Variants in ERC2 observed in about 807,000 individuals in gnomAD.
ERC2 encodes ELKS/RAB6-interacting/CAST family member 2.
Under a neutral mutation model 114.8 loss-of-function variants are expected in ERC2, and 42 were observed. That is an observed-to-expected ratio of 0.37 (90% CI 0.29 to 0.47). ERC2 has a LOEUF of 0.47. Among genes scored for constraint, ERC2 ranks in the 20% least tolerant of loss-of-function variants. The pLI is 0.99. For missense variants in ERC2, 939 were observed against 1,150.7 expected (o/e 0.82, Z 2.66); for synonymous variants, 454 against 425.5 (o/e 1.07, Z -0.82).
intron 14 of ERC2, among the ~76,000 whole-genome samples, chr3:55,862,754 C>T (rs2062086792): frequency 6.6e-6 from 1 of 152,168 alleles, no homozygotes; most frequent in Admixed American, 6.6e-5. Context: ...GCTGTTCAAA[C>T]CTGTCACACT....
At chr3:56,031,210 T>C (rs2074361722) in intron 7 of ERC2, among the ~76,000 whole-genome samples, 2 of 152,228 alleles carry the variant, frequency 1.3e-5, no homozygotes, top group African/African-American at 4.8e-5. Flanking sequence ...TACAAGCTTT[T>C]GGTCTGCACC....
chr3:55,999,580 T>G (rs2149543208), intron 10 of ERC2, among the ~76,000 whole-genome samples: 1 of 151,994 alleles, frequency 6.6e-6, no homozygotes, highest in South Asian at 2.1e-4. Context: ...ATAAAAGAAA[T>G]TTCCTAGCTA....
chr3:56,401,696 C>G (rs991253743), intron 2 of ERC2, among the ~76,000 whole-genome samples: 2 of 152,132 alleles, frequency 1.3e-5, no homozygotes, highest in Non-Finnish European at 2.9e-5. Flanking sequence ...TGATGCAAAA[C>G]TGGAGCTTAG....
At chr3:55,918,105 C>T (rs1358550707) in intron 13 of ERC2, among the ~76,000 whole-genome samples, 1 of 151,954 alleles carries the variant, frequency 6.6e-6, no homozygotes, top group Non-Finnish European at 1.5e-5. Flanking sequence ...AGAGATAAGA[C>T]AATAGATCAC....
intron 14 of ERC2, among the ~76,000 whole-genome samples, chr3:55,833,297 C>T (rs1161734860): frequency 6.6e-6 from 1 of 150,464 alleles, no homozygotes; most frequent in Non-Finnish European, 1.5e-5. Flanking sequence ...AACTCCAAGA[C>T]ACATAATTGT....
intron 6 of ERC2, among the ~76,000 whole-genome samples, chr3:56,122,248 G>T (rs191744328): frequency 6.6e-6 from 1 of 152,212 alleles, no homozygotes; most frequent in Admixed American, 6.5e-5. Context: ...GCAAATTATT[G>T]TATTTCGTAT....
rs571648633 is a variant in ERC2, at chr3:56,275,636, T to C, written c.1074+20383A>G. On this transcript the variant is annotated intron_variant, in intron 3 of 17. Transcript: ENST00000288221. ...CATGTGTCCACAGGTCTCTTGAAGA[T>C]CTTGTTACAATGCAGATTCTAATTC... Among the ~76,000 whole-genome samples, 16 of 152,342 alleles carry C rather than the reference T, an allele frequency of 1.1e-4. 1 individual carries two copies. In the South Asian group the frequency reaches 3.1e-3, roughly 30 times the overall value.
At chr3:56,002,996 T>TCA (rs2072191913) in intron 10 of ERC2, 2 of 480,890 alleles carry the variant, frequency 4.2e-6, no homozygotes, top group South Asian at 1.9e-5. Context: ...GGGAAGAAAC[T>TCA]CAAATATTTT....
At position 55,950,500 on chromosome 3, in the gene ERC2, C is replaced by T. The variant is rs905170482; in HGVS notation, c.2328G>A (p.Lys776=). 1 of 1,613,898 alleles carries T rather than the reference C, an allele frequency of 6.2e-7. No homozygotes were observed. Among genetic ancestry groups the T allele is most frequent in the Non-Finnish European group, 8.5e-7 (1 of 1,179,894 alleles). The change falls in exon 13 of 18, where the codon AAG becomes AAA. Residue 776 remains lysine, a synonymous_variant. Coordinates refer to ENST00000288221, the MANE Select transcript of ERC2 (RefSeq NM_015576.3). Reference sequence around the variant, plus strand: ...CTTCTAGTAACTGAGCATTTTTCTTCTTTTCCAACTGTTGATTGTGCTTGA... The same window carrying T: ...CTTCTAGTAACTGAGCATTTTTCTTTTTTTCCAACTGTTGATTGTGCTTGA... ...ANLKHNQQLE[K]KKNAQLLEEV...
At chr3:56,293,988 CTGGCATCACAGCCTTGCTGCCCCT>C (rs556069574) in intron 3 of ERC2, among the ~76,000 whole-genome samples, 77 of 152,384 alleles carry the variant, frequency 5.1e-4, no homozygotes, top group African/African-American at 1.8e-3. Context: ...GGAGATTTCT[CTGGCATCACAGCCTTGCTGCCCCT>C]TGGCATCAAA....
intron 7 of ERC2, among the ~76,000 whole-genome samples, chr3:56,067,938 T>C (rs1265221035): frequency 6.6e-6 from 1 of 152,224 alleles, no homozygotes; most frequent in Admixed American, 6.5e-5. Context: ...TGGATTCAGT[T>C]TGCCAGTATA....
chr3:56,237,015 C>T (rs748112620), intron 3 of ERC2, among the ~76,000 whole-genome samples: 1 of 152,278 alleles, frequency 6.6e-6, no homozygotes, highest in South Asian at 2.1e-4. Flanking sequence ...GCAGGACATC[C>T]AGCTGCAGAA....
intron 5 of ERC2, among the ~76,000 whole-genome samples, chr3:56,141,207 T>A (rs2080833792): frequency 6.6e-6 from 1 of 152,168 alleles, no homozygotes; most frequent in Non-Finnish European, 1.5e-5. Flanking sequence ...CATCTACCCA[T>A]TCCTTCATTC....
At chr3:56,460,950 C>T (rs2063286616) in intron 1 of ERC2, among the ~76,000 whole-genome samples, 1 of 115,440 alleles carries the variant, frequency 8.7e-6, no homozygotes, top group South Asian at 3.0e-4. Flanking sequence ...GAAACCCCGT[C>T]TCTACTAAAA....
At chr3:56,333,344 G>C (rs1346722925) in intron 2 of ERC2, among the ~76,000 whole-genome samples, 2 of 152,218 alleles carry the variant, frequency 1.3e-5, no homozygotes, top group African/African-American at 4.8e-5. Context: ...AACATTCTTT[G>C]TGTTTCTCAT....
At chr3:56,016,417 C>CT (rs1359229000) in intron 8 of ERC2, among the ~76,000 whole-genome samples, 33 of 104,422 alleles carry the variant, frequency 3.2e-4, no homozygotes, top group African/African-American at 6.8e-4. Context: ...TTGTAGCTTC[C>CT]TTTTTTTTTC....
intron 3 of ERC2, among the ~76,000 whole-genome samples, chr3:56,231,688 A>G (rs2050627934): frequency 6.6e-6 from 1 of 152,200 alleles, no homozygotes; most frequent in Non-Finnish European, 1.5e-5. Context: ...TTTTTGAGCC[A>G]TAGAGAACCA....
intron 7 of ERC2, among the ~76,000 whole-genome samples, chr3:56,070,245 G>T (rs1476802342): frequency 6.6e-6 from 1 of 152,168 alleles, no homozygotes; most frequent in Non-Finnish European, 1.5e-5. Context: ...TGGCCTGGGA[G>T]TATGTAGGGA....
intron 2 of ERC2, among the ~76,000 whole-genome samples, chr3:56,320,618 T>C (rs9843474): frequency 4.5e-4 from 69 of 152,190 alleles, no homozygotes; most frequent in African/African-American, 1.6e-3. Context: ...TCCTAAATAT[T>C]TACCATCACG....
Sources: allele counts gnomAD v4.1 joint callset (sites outside exome capture counted in the v4.1 genomes callset), GRCh38; gene constraint gnomAD v4.1.1; transcripts MANE v1.5; gene names NCBI Gene and HGNC (gene_info 2026-07-23, HGNC 2026-07-21).